Variants in SOX5 observed in about 807,000 individuals in gnomAD.
SOX5 encodes the protein SRY-box transcription factor 5, also known as transcription factor SOX-5.
SOX5 carries 9 observed loss-of-function variants against 92.0 expected under a neutral mutation model. The ratio of observed to expected loss-of-function variants is 0.10; its 90% CI spans 0.06 to 0.17. The LOEUF is 0.17. Among genes scored for constraint, SOX5 ranks in the 10% least tolerant of loss-of-function variants. The pLI is 1.00. For synonymous variants in SOX5, 344 were observed against 336.3 expected, an observed-to-expected ratio of 1.02 and a Z score of -0.25; for missense variants, 642 against 944.5, an observed-to-expected ratio of 0.68 and a Z score of 4.20.
intron 4 of SOX5, among the ~76,000 whole-genome samples, chr12:24,145,706 T>A (rs779004559): frequency 3.3e-5 from 5 of 152,176 alleles, no homozygotes; most frequent in African/African-American, 4.8e-5. Flanking sequence ...AGGGTTTCAC[T>A]ACGTTGCCCA....
intron 4 of SOX5, among the ~76,000 whole-genome samples, chr12:24,008,204 T>C (rs1050927730): frequency 2.0e-5 from 3 of 152,100 alleles, no homozygotes; most frequent in African/African-American, 7.2e-5. Context: ...AAACACTTTT[T>C]AAGGATTTTC....
intron 1 of SOX5, among the ~76,000 whole-genome samples, chr12:24,439,571 G>T (rs1430039382): frequency 6.6e-6 from 1 of 152,102 alleles, no homozygotes; most frequent in Non-Finnish European, 1.5e-5. Flanking sequence ...CTATGCTATT[G>T]TCAATTTTTT....
intron 1 of SOX5, among the ~76,000 whole-genome samples, chr12:23,900,272 C>T (rs2097217339): frequency 1.3e-5 from 2 of 152,142 alleles, no homozygotes; most frequent in Non-Finnish European, 1.5e-5. Context: ...CAGGAGTCTC[C>T]TTCCCTTTAC....
upstream of SOX5, chr12:23,951,018 C>T (rs1945546619): frequency 1.6e-5 from 11 of 678,962 alleles, no homozygotes; most frequent in Admixed American, 1.3e-4. Context: ...CTCACGCACG[C>T]TCTCCACTCC....
chr12:24,035,941 A>C (rs1293480853), intron 4 of SOX5, among the ~76,000 whole-genome samples: 1 of 152,044 alleles, frequency 6.6e-6, no homozygotes, highest in East Asian at 1.9e-4. Flanking sequence ...GAAATGATCA[A>C]ATTTAAAATA....
chr12:23,560,085 A>G (rs1387728769), intron 11 of SOX5, among the ~76,000 whole-genome samples: 1 of 151,804 alleles, frequency 6.6e-6, no homozygotes, highest in African/African-American at 2.4e-5. Context: ...AATTTTTTGT[A>G]TCTTTAGTAG....
rs560421142 is a variant in SOX5, at chr12:24,359,673, A to G, written c.-174+8890T>C. Among the ~76,000 whole-genome samples the G allele has an allele frequency of 5.1e-4, 78 of 152,346 alleles. No homozygotes were observed. In the Middle Eastern group the frequency reaches 0.01, roughly 20 times the overall value. ...AAGTCAACAGAAACCCTGCTTTTGC[A>G]TGCTCTCGTGCTCTTTTCTAAATTT... On this transcript the variant is annotated intron_variant, in intron 2 of 4. Transcript: ENST00000446891.
At chr12:23,924,922 A>G (rs1396018435) in intron 1 of SOX5, among the ~76,000 whole-genome samples, 1 of 151,958 alleles carries the variant, frequency 6.6e-6, no homozygotes, top group Non-Finnish European at 1.5e-5. Context: ...AGAAAACCCA[A>G]CTTTGTTCAC....
upstream of SOX5, among the ~76,000 whole-genome samples, chr12:23,951,423 C>G (rs555086229): frequency 6.6e-6 from 1 of 151,854 alleles, no homozygotes; most frequent in Admixed American, 6.6e-5. Context: ...GTTGACCCCA[C>G]GGCAGTTTGA....
At chr12:24,218,708 ATCT>A (rs1207065973) in intron 3 of SOX5, among the ~76,000 whole-genome samples, 2 of 152,134 alleles carry the variant, frequency 1.3e-5, no homozygotes, top group African/African-American at 4.8e-5. Flanking sequence ...TAGTCTCATT[ATCT>A]TTTTTTAAAA....
intron 1 of SOX5, among the ~76,000 whole-genome samples, chr12:23,928,188 G>A (rs758956731): frequency 1.3e-5 from 2 of 152,030 alleles, no homozygotes; most frequent in Non-Finnish European, 2.9e-5. Flanking sequence ...TAAGAAGTCT[G>A]AGTAGGGCTA....
intron 1 of SOX5, among the ~76,000 whole-genome samples, chr12:23,905,588 GAAAA>G (rs1364113330): frequency 1.3e-5 from 2 of 151,920 alleles, no homozygotes; most frequent in Non-Finnish European, 2.9e-5. Context: ...TAAAACAGAA[GAAAA>G]AATACTTAAT....
rs561456943 is a variant in SOX5, at chr12:24,137,519, CT to C, written c.-2+75823del. 3.0e-4 allele frequency among the ~76,000 whole-genome samples: 46 copies of C among 152,266 alleles called. No individual in the cohort carries two copies. The South Asian group carries it at 5.8e-3, about 19-fold the overall frequency. Reference sequence around the variant, plus strand: ...TGGTGGCGCGCACCTGTAATCCCAGCTACTCAGAAGGCTGAGGCAGGACAAA... The same window carrying C: ...TGGTGGCGCGCACCTGTAATCCCAGCACTCAGAAGGCTGAGGCAGGACAAA... On this transcript the variant is annotated intron_variant, in intron 4 of 4. Coordinates refer to the SOX5 transcript ENST00000446891.
intron 3 of SOX5, among the ~76,000 whole-genome samples, chr12:23,771,746 A>G (rs1190689889): frequency 6.6e-6 from 1 of 152,218 alleles, no homozygotes; most frequent in Non-Finnish European, 1.5e-5. Flanking sequence ...CATTTCATAT[A>G]GACACCTTTC....
intron 1 of SOX5, among the ~76,000 whole-genome samples, chr12:24,511,626 T>C (rs1206330649): frequency 2.0e-5 from 3 of 152,212 alleles, no homozygotes; most frequent in African/African-American, 7.2e-5. Context: ...GGTTGCTCAA[T>C]AAAAATCATG....
At chr12:24,143,713 A>G (rs1950796758) in intron 4 of SOX5, among the ~76,000 whole-genome samples, 1 of 152,124 alleles carries the variant, frequency 6.6e-6, no homozygotes, top group Non-Finnish European at 1.5e-5. Context: ...CAAAAAAATG[A>G]ACAGAATCAG....
chr12:24,053,226 G>A (rs1164073483), intron 4 of SOX5, among the ~76,000 whole-genome samples: 1 of 147,480 alleles, frequency 6.8e-6, no homozygotes, highest in Non-Finnish European at 1.5e-5. Context: ...CTGTTGCCCA[G>A]GCTGGATTCT....
intron 7 of SOX5, among the ~76,000 whole-genome samples, chr12:23,642,042 G>C (rs1471298533): frequency 6.6e-6 from 1 of 152,170 alleles, no homozygotes; most frequent in Non-Finnish European, 1.5e-5. Flanking sequence ...TTGGGCTTTT[G>C]AAACTGGCCT....
intron 2 of SOX5, among the ~76,000 whole-genome samples, chr12:23,858,077 G>GCA (rs2096714441): frequency 1.3e-5 from 2 of 151,924 alleles, no homozygotes; most frequent in East Asian, 3.9e-4. Flanking sequence ...GTATGTGTGT[G>GCA]TGTGTGTGTG....
Sources: gnomAD v4.1 joint callset for allele counts (sites outside exome capture counted in the v4.1 genomes callset) on GRCh38, gnomAD v4.1.1 for gene constraint, MANE v1.5 for transcripts, NCBI Gene and HGNC (gene_info 2026-07-23, HGNC 2026-07-21) for gene names.